GPR142: variants seen among roughly 807,000 people sequenced by gnomAD.
GPR142 encodes G-protein coupled receptor 142 long form.
Under a neutral mutation model 10.6 loss-of-function variants are expected in GPR142, and 9 were observed. That is an observed-to-expected ratio of 0.85 (90% confidence interval 0.51 to 1.48). The LOEUF is 1.48. GPR142 is among the 40% of genes most tolerant of loss of function. GPR142 has a pLI of 0.00. For synonymous variants in GPR142, 202 were observed against 221.2 expected (o/e 0.91, Z 0.77); for missense variants, 482 against 506.0 (o/e 0.95, Z 0.45).
chr17:74,371,233 T>C (rs1001859139), intron 3 of GPR142, among the ~76,000 whole-genome samples: 9 of 147,380 alleles, frequency 6.1e-5, no homozygotes, highest in African/African-American at 2.0e-4. Context: ...CTCGGCTCAT[T>C]GCAGCCTCCA....
At position 74,372,304 on chromosome 17, in the gene GPR142, C is replaced by G. The variant is rs777780929; in HGVS notation, c.829C>G (p.Leu277Val). The G allele has an allele frequency of 4.3e-6, 7 of 1,613,944 alleles. No homozygotes were observed. The highest frequency in any genetic ancestry group is 4.2e-6 in the Non-Finnish European group (5 of 1,179,814). Reference sequence around the variant, plus strand: ...AGCCATCCTCCTGGGCATCACCACACTGTTCACCCTCCTGTGGGCGCCCCG... The same window carrying G: ...AGCCATCCTCCTGGGCATCACCACAGTGTTCACCCTCCTGTGGGCGCCCCG... Reference protein sequence around the residue: ...STAILLGITTLFTLLWAPRVF... With the variant: ...STAILLGITTVFTLLWAPRVF... The change falls in exon 4 of 4, where the codon CTG becomes GTG. Residue 277 changes from leucine (L) to valine (V), a missense_variant. Coordinates refer to ENST00000582579, the MANE Select transcript of GPR142 (RefSeq NM_001331076.1).
chr17:74,369,657 G>A (rs1158959378), intron 2 of GPR142, 23 bp downstream of exon 2: 3 of 1,536,926 alleles, frequency 2.0e-6, no homozygotes, highest in Non-Finnish European at 2.6e-6. Flanking sequence ...GAAGTGGGGT[G>A]TGCTGGGGGC....
intron 2 of GPR142, 143 bp from the exon 3 acceptor site, chr17:74,370,378 A>G (rs2055014171): frequency 1.3e-6 from 1 of 767,942 alleles, no homozygotes; most frequent in South Asian, 2.7e-5. Flanking sequence ...TCTCACAGCA[A>G]CAGACAGTGC....
intron 3 of GPR142, among the ~76,000 whole-genome samples, chr17:74,370,990 G>A (rs1482596509): frequency 6.6e-6 from 1 of 152,204 alleles, no homozygotes; most frequent in Admixed American, 6.5e-5. Context: ...AGAGAGCAGA[G>A]CTTGGGGCAG....
At chr17:74,370,432 C>T (rs2055014498) in intron 2 of GPR142, 89 bp from the exon 3 acceptor site, 1 of 1,399,592 alleles carries the variant, frequency 7.1e-7, no homozygotes. Flanking sequence ...AGCAGGGTGA[C>T]TAGAAAGACC....
chr17:74,370,487 A>T, intron 2 of GPR142, 34 bp from the exon 3 acceptor site: 1 of 1,580,102 alleles, frequency 6.3e-7, no homozygotes, highest in South Asian at 1.2e-5. Flanking sequence ...GAAATAGACC[A>T]GAGGCTCTGA....
At position 74,369,529 on chromosome 17, in the gene GPR142, G is replaced by A; in HGVS notation, c.-12G>A. Reference sequence around the variant, plus strand: ...CACTTGGAGAGCCAAGGGGTGAGAGGTACAGCTGGCGATGCTGACAGGGAG... The same window carrying A: ...CACTTGGAGAGCCAAGGGGTGAGAGATACAGCTGGCGATGCTGACAGGGAG... On this transcript the variant is annotated 5_prime_UTR_variant, in exon 2 of 4. Transcript: ENST00000582579. The A allele has an allele frequency of 6.4e-7, 1 of 1,558,130 alleles. No homozygotes were observed. Among genetic ancestry groups the A allele is most frequent in the Middle Eastern group, 1.7e-4 (1 of 5,998 alleles).
rs146862313 is a variant in GPR142 at position 74,369,196 on chromosome 17, C to T, written c.-73-272C>T. On this transcript the variant is annotated intron_variant, in intron 1 of 3. Transcript: ENST00000582579. ...CCAGCTCACAGAGTGCCCCGGGGCACGAGGCAGCCCCCCAGAACCCCCATC... is the reference window on the plus strand; with the variant it reads ...CCAGCTCACAGAGTGCCCCGGGGCATGAGGCAGCCCCCCAGAACCCCCATC... Among the ~76,000 whole-genome samples the T allele has an allele frequency of 1.8e-4, 27 of 152,020 alleles. No homozygotes were observed. In the East Asian group the frequency reaches 4.9e-3, roughly 27 times the overall value.
chr17:74,369,624 A>T lies in GPR142; in HGVS notation c.84A>T (p.Gly28=). Reference sequence around the variant, plus strand: ...GGCCCCAGAGCATGGGGCTTGAGGGACGAGAGACAGGTAAGGCATCTTGAA... The same window carrying T: ...GGCCCCAGAGCATGGGGCTTGAGGGTCGAGAGACAGGTAAGGCATCTTGAA... ...DSGPQSMGLE[G]RETAGQPRVT... The change falls in exon 2 of 4, where the codon GGA becomes GGT. Residue 28 remains glycine, a synonymous_variant. Transcript: ENST00000582579. 1 of 1,547,398 alleles carries T rather than the reference A, an allele frequency of 6.5e-7. No individual in the cohort carries two copies. The highest frequency in any genetic ancestry group is 1.2e-5 in the South Asian group (1 of 83,824).
chr17:74,372,246 G>A lies in GPR142; in HGVS notation c.771G>A (p.Arg257=), dbSNP rs1282526361. The change falls in exon 4 of 4, where the codon CGG becomes CGA. Residue 257 remains arginine, a synonymous_variant. Transcript: ENST00000582579. ...AIIHRLRRRG[R]SGLQPRVGKS... is the part of the protein sequence containing the mutation. ...TCCACCGGCTACGGAGGAGGGGCCG[G>A]AGTGGGCTGCAGCCCCGGGTGGGCA... 6.2e-7 allele frequency: 1 copy of A among 1,613,624 alleles called. No homozygotes were observed. Among genetic ancestry groups the A allele is most frequent in the African/African-American group, 1.3e-5 (1 of 74,926 alleles).
At chr17:74,370,730 T>A (rs751281500) in intron 3 of GPR142, 51 bp downstream of exon 3, 4 of 1,559,146 alleles carry the variant, frequency 2.6e-6, no homozygotes, top group Non-Finnish European at 3.5e-6. Context: ...GAAATGGGGA[T>A]CCTCCTTCAA....
chr17:74,369,689 G>A, intron 2 of GPR142, 55 bp downstream of exon 2: 1 of 1,503,446 alleles, frequency 6.7e-7, no homozygotes, highest in Admixed American at 2.4e-5. Flanking sequence ...AAGGCAGGAG[G>A]GAACAGGAGG....
chr17:74,371,035 C>T (rs1338072207), intron 3 of GPR142, among the ~76,000 whole-genome samples: 1 of 152,156 alleles, frequency 6.6e-6, no homozygotes, highest in African/African-American at 2.4e-5. Flanking sequence ...GACGGGTGGT[C>T]TCGGCCCTGG....
In GPR142 at chr17:74,370,739, A is replaced by G. The variant is rs1036410337; in HGVS notation, c.253+60A>G. 7.9e-6 allele frequency: 12 copies of G among 1,513,232 alleles called. No homozygotes were observed. In the African/African-American group the frequency reaches 1.5e-4, roughly 19 times the overall value. 93.7% of individuals were successfully genotyped at this position (1,513,232 alleles called of 1,614,324 possible). A position where few individuals can be genotyped will look rare whatever the true frequency, so the allele number is the denominator to read the frequency against. On this transcript the variant is annotated intron_variant, in intron 3 of 3. Coordinates refer to ENST00000582579, the MANE Select transcript of GPR142 (RefSeq NM_001331076.1). Reference sequence around the variant, plus strand: ...TGGCCAGAAATGGGGATCCTCCTTCAATGGGTGCCAGTCCTCTGTGTTTGA... The same window carrying G: ...TGGCCAGAAATGGGGATCCTCCTTCGATGGGTGCCAGTCCTCTGTGTTTGA...
intron 3 of GPR142, among the ~76,000 whole-genome samples, chr17:74,371,000 G>C (rs967566967): frequency 1.3e-5 from 2 of 152,202 alleles, no homozygotes; most frequent in African/African-American, 2.4e-5. Context: ...GCTTGGGGCA[G>C]AGGTGGGTGT....
Position 74,369,589 on chromosome 17 carries a change from C to G in GPR142, c.49C>G (p.Gln17Glu). ...GDPQKKPQVT[Q>E]DSGPQSMGLE... is the part of the protein sequence containing the mutation. The stretch of plus-strand genomic sequence containing the variant: ...CCCTCAGAAAAAGCCACAGGTGACC[C>G]AGGACTCAGGGCCCCAGAGCATGGG... The change falls in exon 2 of 4, where the codon CAG becomes GAG. Residue 17 changes from glutamine (Q) to glutamate (E), a missense_variant. Physicochemically the swap from Gln to Glu is conservative, Grantham distance 29. Transcript: ENST00000582579. 1.3e-6 allele frequency: 2 copies of G among 1,551,564 alleles called. No individual in the cohort carries two copies. Among genetic ancestry groups the G allele is most frequent in the Non-Finnish European group, 1.7e-6 (2 of 1,146,966 alleles).
At chr17:74,368,481 G>A (rs540634617) in intron 1 of GPR142, among the ~76,000 whole-genome samples, 1 of 152,160 alleles carries the variant, frequency 6.6e-6, no homozygotes, top group Non-Finnish European at 1.5e-5. Flanking sequence ...GTATCCGAGG[G>A]GGGGTTGGGA....
In GPR142 at chr17:74,372,386, T is replaced by C. The variant is rs545006452; in HGVS notation, c.911T>C (p.Val304Ala). 6.2e-7 allele frequency: 1 copy of C among 1,613,982 alleles called. No individual in the cohort carries two copies. The change falls in exon 4 of 4, where the codon GTC becomes GCC. Residue 304 changes from valine (V) to alanine (A), a missense_variant. Coordinates refer to ENST00000582579, the MANE Select transcript of GPR142 (RefSeq NM_001331076.1). ...GCCCCTGTCCACCGGGACTGGAGGG[T>C]CCACCTGGCCTTGGATGTGGCCAAT... ...YVAPVHRDWRVHLALDVANMV... is the reference protein window; with the variant it reads ...YVAPVHRDWRAHLALDVANMV...
At position 74,372,191 on chromosome 17, in the gene GPR142, G is replaced by T. The variant is rs763837335; in HGVS notation, c.716G>T (p.Gly239Val). The T allele has an allele frequency of 2.5e-6, 4 of 1,614,138 alleles. No individual in the cohort carries two copies. Among genetic ancestry groups the T allele is most frequent in the South Asian group, 2.2e-5 (2 of 91,076 alleles). Residue 239 changes from glycine to valine, a missense_variant, in exon 4 of 4, where the codon GGC becomes GTC. Coordinates refer to ENST00000582579, the MANE Select transcript of GPR142 (RefSeq NM_001331076.1). ...CTCACTGTCTATTTCATCCCTTGTG[G>T]CGTGTTCCTGGTCACCAACTCGGCC... ...HCLTVYFIPC[G>V]VFLVTNSAII...
Sources: gnomAD v4.1 joint callset for allele counts (sites outside exome capture counted in the v4.1 genomes callset) on GRCh38, gnomAD v4.1.1 for gene constraint, MANE v1.5 for transcripts, NCBI Gene and HGNC (gene_info 2026-07-23, HGNC 2026-07-21) for gene names.